The following DLG2 variants were observed in gnomAD, a reference collection of about 807,000 sequenced individuals.
DLG2 encodes disks large homolog 2.
Under a neutral mutation model 132.5 loss-of-function variants are expected in DLG2, and 45 were observed. The ratio of observed to expected loss-of-function variants is 0.34; its 90% CI spans 0.27 to 0.44. The LOEUF (loss-of-function observed/expected upper bound fraction) is 0.44. Ranked by LOEUF, DLG2 falls within the 20% of genes least tolerant of loss-of-function variation. The probability of loss-of-function intolerance (pLI) is 1.00; values close to 1 mark genes in which losing one functional copy is unlikely to be tolerated. For missense variants in DLG2, 1,045 were observed against 1,196.9 expected (o/e 0.87, Z 1.87); for synonymous variants, 424 against 419.6 (o/e 1.01, Z -0.13).
chr11:84,539,396 C>T (rs1037793454), intron 6 of DLG2, among the ~76,000 whole-genome samples: 2 of 152,136 alleles, frequency 1.3e-5, no homozygotes, highest in African/African-American at 2.4e-5. Flanking sequence ...CTGGGTAATT[C>T]TGAGTCAAAC....
At chr11:83,829,348 C>G (rs1446992602) in intron 17 of DLG2, among the ~76,000 whole-genome samples, 1 of 152,020 alleles carries the variant, frequency 6.6e-6, no homozygotes, top group Non-Finnish European at 1.5e-5. Flanking sequence ...AGGTGCACAC[C>G]ACGATGCCTG....
At chr11:85,338,744 C>T (rs960944869) in intron 3 of DLG2, among the ~76,000 whole-genome samples, 1 of 136,372 alleles carries the variant, frequency 7.3e-6, no homozygotes, top group African/African-American at 2.8e-5. Flanking sequence ...CTTGCTCTGT[C>T]GCCCAGCTGG....
At chr11:84,713,904 G>C (rs1448289845) in intron 6 of DLG2, among the ~76,000 whole-genome samples, 1 of 151,930 alleles carries the variant, frequency 6.6e-6, no homozygotes. Context: ...CAAAAGGATG[G>C]TTAACTGTTA....
rs536080863 is a variant in DLG2, at chr11:84,374,831, C to A, written c.520-123540G>T. On this transcript the variant is annotated intron_variant, in intron 7 of 27. Coordinates refer to ENST00000376104, the MANE Select transcript of DLG2 (RefSeq NM_001142699.3). ...TAAAAGCCCAAGCTTCTTCTCATGACACTTAGTCTTTCCCATCTTCACCAA... is the reference window on the plus strand; with the variant it reads ...TAAAAGCCCAAGCTTCTTCTCATGAAACTTAGTCTTTCCCATCTTCACCAA... 2.0e-5 allele frequency among the ~76,000 whole-genome samples: 3 copies of A among 152,268 alleles called. No individual in the cohort carries two copies. The East Asian group carries it at 5.8e-4, about 29-fold the overall frequency.
chr11:84,502,270 C>T lies in DLG2; in HGVS notation c.519+32300G>A, dbSNP rs368226598. ...TCCTTCCTTCCTTCCTTCCTTCCTTCCTTCCTTCCTTCTTTCTTTCTTTCT... is the reference window on the plus strand; with the variant it reads ...TCCTTCCTTCCTTCCTTCCTTCCTTTCTTCCTTCCTTCTTTCTTTCTTTCT... On this transcript the variant is annotated intron_variant, in intron 7 of 27. Coordinates refer to ENST00000376104, the MANE Select transcript of DLG2 (RefSeq NM_001142699.3). Among the ~76,000 whole-genome samples the T allele has an allele frequency of 2.4e-3, 122 of 51,064 alleles. 42 individuals carry two copies. In the African/African-American group the frequency reaches 0.028, roughly 12 times the overall value. 33.5% of individuals were successfully genotyped at this position (51,064 alleles called of 152,430 possible).
intron 3 of DLG2, among the ~76,000 whole-genome samples, chr11:85,535,753 T>A (rs982191109): frequency 5.9e-5 from 9 of 152,088 alleles, no homozygotes; most frequent in African/African-American, 2.2e-4. Flanking sequence ...AATCAACTCA[T>A]GAACAGATAA....
At chr11:84,129,628 C>A (rs937637124) in intron 9 of DLG2, among the ~76,000 whole-genome samples, 2 of 151,742 alleles carry the variant, frequency 1.3e-5, no homozygotes, top group Non-Finnish European at 2.9e-5. Flanking sequence ...TTTTTGAGAA[C>A]GTAAATTATG....
At chr11:84,367,517 CAT>C (rs1187484273) in intron 7 of DLG2, among the ~76,000 whole-genome samples, 1 of 152,104 alleles carries the variant, frequency 6.6e-6, no homozygotes, top group Non-Finnish European at 1.5e-5. Flanking sequence ...ATCTGAAATT[CAT>C]ATTGGAACTT....
chr11:85,348,071 C>T (rs751903179), intron 3 of DLG2, among the ~76,000 whole-genome samples: 14 of 147,080 alleles, frequency 9.5e-5, no homozygotes, highest in African/African-American at 3.1e-4. Flanking sequence ...CTGCAATTTC[C>T]GCCTCCCTGG....
At chr11:84,722,907 A>T (rs2061996234) in intron 6 of DLG2, among the ~76,000 whole-genome samples, 1 of 152,188 alleles carries the variant, frequency 6.6e-6, no homozygotes, top group African/African-American at 2.4e-5. Flanking sequence ...CAGGAGGTCT[A>T]ATCTATACGT....
chr11:85,508,410 A>G (rs1490238726), intron 3 of DLG2, among the ~76,000 whole-genome samples: 1 of 151,974 alleles, frequency 6.6e-6, no homozygotes. Flanking sequence ...ACCTCTCTCA[A>G]GTCATTCGGC....
Position 84,098,915 on chromosome 11 carries a change from A to G in DLG2, c.749+8T>C. ...TTTCAAAATCATTCTAATGTTTCAGATCTTTACCTGAGTCTGCCATCCTCT... is the reference window on the plus strand; with the variant it reads ...TTTCAAAATCATTCTAATGTTTCAGGTCTTTACCTGAGTCTGCCATCCTCT... On this transcript the variant is annotated splice_region_variant and intron_variant, in intron 10 of 27. Transcript: ENST00000376104. 1 of 1,612,128 alleles carries G rather than the reference A, an allele frequency of 6.2e-7. No homozygotes were observed. The highest frequency in any genetic ancestry group is 1.1e-5 in the South Asian group (1 of 90,828).
intron 19 of DLG2, among the ~76,000 whole-genome samples, chr11:83,606,809 C>T (rs1459243156): frequency 1.3e-5 from 2 of 152,054 alleles, no homozygotes; most frequent in Non-Finnish European, 2.9e-5. Context: ...CGCCTGTGGT[C>T]CCAGCTGCTC....
At chr11:85,492,392 C>T (rs899908139) in intron 3 of DLG2, among the ~76,000 whole-genome samples, 4 of 152,054 alleles carry the variant, frequency 2.6e-5, no homozygotes, top group Non-Finnish European at 5.9e-5. Context: ...CTACAAAAAA[C>T]AAACCACTAA....
chr11:83,583,832 A>T (rs1367123952), intron 19 of DLG2, among the ~76,000 whole-genome samples: 2 of 152,240 alleles, frequency 1.3e-5, no homozygotes, highest in Admixed American at 6.5e-5. Context: ...AAAATAGGTA[A>T]GATTCAAAAT....
chr11:84,345,380 G>A (rs1276253230), intron 7 of DLG2, among the ~76,000 whole-genome samples: 2 of 152,148 alleles, frequency 1.3e-5, no homozygotes, highest in African/African-American at 4.8e-5. Context: ...GCATATTCAA[G>A]GCTGATTTTT....
At chr11:85,248,467 G>T (rs2076242821) in intron 4 of DLG2, among the ~76,000 whole-genome samples, 1 of 151,662 alleles carries the variant, frequency 6.6e-6, no homozygotes, top group Admixed American at 6.6e-5. Context: ...TCAAAGATTT[G>T]CTTCAAAGTC....
chr11:85,587,128 A>G (rs143045042), intron 3 of DLG2, among the ~76,000 whole-genome samples: 6,692 of 152,234 alleles, frequency 0.044, 187 homozygotes, highest in East Asian at 0.095. Flanking sequence ...CCTATGGTCT[A>G]TCTTGGAGAA....
chr11:84,197,031 T>C (rs2096528581), intron 8 of DLG2, among the ~76,000 whole-genome samples: 1 of 83,644 alleles, frequency 1.2e-5, no homozygotes. Context: ...AGTGCGACTC[T>C]TTCTCAAAAA....
Sources: allele counts gnomAD v4.1 joint callset (sites outside exome capture counted in the v4.1 genomes callset), GRCh38; gene constraint gnomAD v4.1.1; transcripts MANE v1.5; gene names NCBI Gene and HGNC (gene_info 2026-07-23, HGNC 2026-07-21).